SAXO2: variants seen among roughly 807,000 people sequenced by gnomAD.
The protein encoded by SAXO2 is stabilizer of axonemal microtubules 2.
Under a neutral mutation model 18.7 loss-of-function variants are expected in SAXO2, and 17 were observed. The observed-to-expected ratio is 0.91, with a 90% CI of 0.62 to 1.36. SAXO2 has a LOEUF of 1.36. Among genes scored for constraint, SAXO2 ranks in the 40% most tolerant of loss-of-function variants. The pLI is 0.00. For synonymous variants in SAXO2, 163 were observed against 181.2 expected, an observed-to-expected ratio of 0.90 and a Z score of 0.81; for missense variants, 486 against 562.6, an observed-to-expected ratio of 0.86 and a Z score of 1.38.
chr15:82,280,552 T>G (rs1319501107), intron 3 of SAXO2, among the ~76,000 whole-genome samples: 1 of 152,124 alleles, frequency 6.6e-6, no homozygotes, highest in Non-Finnish European at 1.5e-5. Flanking sequence ...AGCTATCAGG[T>G]GCCCAGGGAG....
chr15:82,275,495 C>G (rs1391545780), intron 3 of SAXO2, among the ~76,000 whole-genome samples: 1 of 151,860 alleles, frequency 6.6e-6, no homozygotes, highest in Non-Finnish European at 1.5e-5. Flanking sequence ...AACTACAGAC[C>G]ATGGTCCCTG....
intron 1 of SAXO2, 63 bp downstream of exon 1, chr15:82,262,995 C>T (rs2075150778): frequency 6.4e-7 from 1 of 1,561,048 alleles, no homozygotes; most frequent in Non-Finnish European, 8.7e-7. Context: ...CCTAGGTGCA[C>T]GGAGCCGGCT....
At position 82,283,143 on chromosome 15, in the gene SAXO2, T is replaced by A. The variant is rs1596042864; in HGVS notation, c.*81T>A. ...AAACTCAATTTTTATAGTTAAAAAA[T>A]TTATGATATAATAAATCATTTTTTA... On this transcript the variant is annotated 3_prime_UTR_variant, in exon 4 of 4. Coordinates refer to ENST00000682753, the MANE Select transcript of SAXO2 (RefSeq NM_001348699.2). 60 of 897,006 alleles carry A rather than the reference T, an allele frequency of 6.7e-5. No homozygotes were observed. The East Asian group carries it at 1.9e-3, about 28-fold the overall frequency. 55.6% of individuals were successfully genotyped at this position (897,006 alleles called of 1,614,324 possible).
At chr15:82,268,322 G>C (rs1223037235) in intron 2 of SAXO2, among the ~76,000 whole-genome samples, 2 of 152,114 alleles carry the variant, frequency 1.3e-5, no homozygotes, top group Admixed American at 1.3e-4. Context: ...CTTTTAAAAG[G>C]CTTTCCAATT....
chr15:82,272,358 G>C (rs1341071248), intron 3 of SAXO2, among the ~76,000 whole-genome samples: 1 of 152,158 alleles, frequency 6.6e-6, no homozygotes, highest in Non-Finnish European at 1.5e-5. Flanking sequence ...CTCAGAATTA[G>C]ATAGGCTTAT....
intron 3 of SAXO2, 106 bp from the exon 4 acceptor site, chr15:82,282,013 G>A: frequency 1.1e-6 from 1 of 885,398 alleles, no homozygotes; most frequent in Non-Finnish European, 1.7e-6. Flanking sequence ...GATTTCTAAA[G>A]GAAATGGAAA....
At chr15:82,267,596 T>A (rs572331242) in intron 2 of SAXO2, among the ~76,000 whole-genome samples, 2 of 152,334 alleles carry the variant, frequency 1.3e-5, no homozygotes, top group East Asian at 3.9e-4. Flanking sequence ...TGTAATAGCT[T>A]TAGATTTTGG....
At chr15:82,278,148 A>G (rs2075331626) in intron 3 of SAXO2, among the ~76,000 whole-genome samples, 1 of 152,218 alleles carries the variant, frequency 6.6e-6, no homozygotes, top group Non-Finnish European at 1.5e-5. Flanking sequence ...ACTTGATGAA[A>G]GACAAAGGAA....
chr15:82,272,278 T>C (rs1413861379), intron 3 of SAXO2, among the ~76,000 whole-genome samples: 1 of 152,172 alleles, frequency 6.6e-6, no homozygotes, highest in Non-Finnish European at 1.5e-5. Context: ...AAATACTGCT[T>C]TTACACTGAT....
chr15:82,275,722 A>G (rs1194908520), intron 3 of SAXO2, among the ~76,000 whole-genome samples: 1 of 152,244 alleles, frequency 6.6e-6, no homozygotes, highest in African/African-American at 2.4e-5. Flanking sequence ...AATAAAATCC[A>G]ACATCACTTC....
At position 82,262,820 on chromosome 15, in the gene SAXO2, C is replaced by T. The variant is rs2075144607; in HGVS notation, c.-60C>T. On this transcript the variant is annotated 5_prime_UTR_variant, in exon 1 of 4. Coordinates refer to ENST00000682753, the MANE Select transcript of SAXO2 (RefSeq NM_001348699.2). ...ACCGGGCATCCCTCTGTTGCCTTGACTACGGCGGGCGCTGTGGGAGTGGAG... is the reference window on the plus strand; with the variant it reads ...ACCGGGCATCCCTCTGTTGCCTTGATTACGGCGGGCGCTGTGGGAGTGGAG... The T allele has an allele frequency of 6.5e-7, 1 of 1,541,812 alleles. No homozygotes were observed. Among genetic ancestry groups the T allele is most frequent in the South Asian group, 1.2e-5 (1 of 83,470 alleles).
Position 82,271,878 on chromosome 15 carries a change from A to G in SAXO2, c.433+76A>G, listed in dbSNP as rs1028409785. On this transcript the variant is annotated intron_variant, in intron 3 of 3. Transcript: ENST00000682753. ...CAGCTTTAACATCTAATATCAAATTATAACTTTGGTGTGCTGCCAAACTTA... is the reference window on the plus strand; with the variant it reads ...CAGCTTTAACATCTAATATCAAATTGTAACTTTGGTGTGCTGCCAAACTTA... 1.8e-5 allele frequency: 24 copies of G among 1,306,834 alleles called. No individual in the cohort carries two copies. The African/African-American group carries it at 2.4e-4, about 13-fold the overall frequency. 81.0% of individuals were successfully genotyped at this position (1,306,834 alleles called of 1,614,324 possible).
intron 2 of SAXO2, among the ~76,000 whole-genome samples, chr15:82,268,549 C>T (rs2075240938): frequency 6.6e-6 from 1 of 152,192 alleles, no homozygotes; most frequent in Non-Finnish European, 1.5e-5. Flanking sequence ...GAGCTTGAAA[C>T]TCTTGCTTGA....
rs1387940797 is a variant in SAXO2, at chr15:82,283,826, G to A, written c.*764G>A. ...ACTACAAGGGTGTGCCACCACACCT[G>A]GCTATTTTTTTTAAACATACTTTGT... On this transcript the variant is annotated 3_prime_UTR_variant, in exon 4 of 4. Transcript: ENST00000682753. 6.6e-6 allele frequency: 1 copy of A among 152,166 alleles called. No homozygotes were observed. The highest frequency in any genetic ancestry group is 1.5e-5 in the Non-Finnish European group (1 of 68,068). 9.4% of individuals were successfully genotyped at this position (152,166 alleles called of 1,614,324 possible). A position where few individuals can be genotyped will look rare whatever the true frequency, so the allele number is the denominator to read the frequency against.
intron 3 of SAXO2, among the ~76,000 whole-genome samples, chr15:82,278,450 T>C (rs1421895450): frequency 3.3e-5 from 5 of 152,326 alleles, no homozygotes; most frequent in South Asian, 4.1e-4. Flanking sequence ...TGTGAAAATA[T>C]GCATTTGTAG....
At chr15:82,273,403 A>G (rs1173505049) in intron 3 of SAXO2, among the ~76,000 whole-genome samples, 1 of 152,218 alleles carries the variant, frequency 6.6e-6, no homozygotes, top group Non-Finnish European at 1.5e-5. Context: ...GTAATGATTC[A>G]TACTTTATTT....
intron 1 of SAXO2, chr15:82,264,545 G>C (rs2075193615): frequency 1.5e-6 from 1 of 647,744 alleles, no homozygotes; most frequent in East Asian, 2.7e-5. Flanking sequence ...GTTCTTAGTT[G>C]TGGATAACGT....
chr15:82,263,601 A>G (rs1015215259), intron 1 of SAXO2, among the ~76,000 whole-genome samples: 3 of 152,206 alleles, frequency 2.0e-5, no homozygotes, highest in Non-Finnish European at 4.4e-5. Context: ...TCCCTGGTGT[A>G]TTTGTAATCC....
chr15:82,263,102 C>G (rs1217144082), intron 1 of SAXO2, 170 bp downstream of exon 1: 23 of 1,492,318 alleles, frequency 1.5e-5, no homozygotes, highest in Non-Finnish European at 1.9e-5. Flanking sequence ...TCGCTCCTCA[C>G]CCGCCTGCTA....
Sources: allele counts gnomAD v4.1 joint callset (sites outside exome capture counted in the v4.1 genomes callset), GRCh38; gene constraint gnomAD v4.1.1; transcripts MANE v1.5; gene names NCBI Gene and HGNC (gene_info 2026-07-23, HGNC 2026-07-21).